The following ARHGAP32 variants were observed in gnomAD, a reference collection of about 807,000 sequenced individuals.
The protein encoded by ARHGAP32 is rho GTPase-activating protein 32.
A neutral mutation model predicts 186.5 loss-of-function variants in ARHGAP32; 51 were observed. The ratio of observed to expected loss-of-function variants is 0.27; its 90% CI spans 0.22 to 0.35. ARHGAP32 has a LOEUF of 0.35. Among genes scored for constraint, ARHGAP32 ranks in the 10% least tolerant of loss-of-function variants. The pLI is 1.00. For missense variants in ARHGAP32, 2,186 were observed against 2,623.5 expected (o/e 0.83, Z 3.64); for synonymous variants, 950 against 964.3 (o/e 0.99, Z 0.27).
chr11:129,000,942 T>C (rs2134750862), intron 11 of ARHGAP32, among the ~76,000 whole-genome samples: 1 of 152,326 alleles, frequency 6.6e-6, no homozygotes, highest in South Asian at 2.1e-4. Context: ...ATCCATGTTG[T>C]TGCAAATGAC....
At chr11:129,117,736 T>C (rs991526131) in intron 5 of ARHGAP32, among the ~76,000 whole-genome samples, 5 of 151,834 alleles carry the variant, frequency 3.3e-5, no homozygotes, top group African/African-American at 7.3e-5. Context: ...AACCAGATGA[T>C]AAAGAAAATA....
Position 129,086,017 on chromosome 11 carries a change from C to A in ARHGAP32, c.531+7604G>T, listed in dbSNP as rs368394611. ...TCAAAAAAACAAACAAACAAACAAA[C>A]AAAAAAAAAAAACAAAAAAAAGAAG... On this transcript the variant is annotated intron_variant, in intron 6 of 22. Coordinates refer to ENST00000682385, the MANE Select transcript of ARHGAP32 (RefSeq NM_001378024.1). 9.5e-3 allele frequency among the ~76,000 whole-genome samples: 1,219 copies of A among 127,734 alleles called. 12 individuals are homozygous for A. Among genetic ancestry groups the A allele is most frequent in the African/African-American group, 0.029 (1,017 of 34,736 alleles). The allele number at this position is 127,734 out of a possible 152,430, so 83.8% of individuals were successfully genotyped here. A position where few individuals can be genotyped will look rare whatever the true frequency, so the allele number is the denominator to read the frequency against.
intron 1 of ARHGAP32, among the ~76,000 whole-genome samples, chr11:129,177,156 C>T (rs536609110): frequency 6.6e-6 from 1 of 152,060 alleles, no homozygotes; most frequent in Non-Finnish European, 1.5e-5. Context: ...ATACTACAAA[C>T]ACCTCTACGC....
intron 2 of ARHGAP32, among the ~76,000 whole-genome samples, chr11:129,152,515 A>C (rs1943310160): frequency 6.6e-6 from 1 of 152,140 alleles, no homozygotes; most frequent in South Asian, 2.1e-4. Context: ...AATCCAAAAG[A>C]ATATCAAAAA....
At chr11:129,236,477 G>A (rs1944936553) in intron 1 of ARHGAP32, among the ~76,000 whole-genome samples, 1 of 152,110 alleles carries the variant, frequency 6.6e-6, no homozygotes, top group African/African-American at 2.4e-5. Context: ...TTAGTCCTTT[G>A]TCTGATGTAC....
chr11:129,254,245 G>A (rs981757542), intron 1 of ARHGAP32, among the ~76,000 whole-genome samples: 3 of 151,926 alleles, frequency 2.0e-5, no homozygotes, highest in Non-Finnish European at 4.4e-5. Context: ...TAGAAAAAAG[G>A]TTCCCCAAAG....
At chr11:129,178,485 G>A (rs1462716457) in intron 1 of ARHGAP32, among the ~76,000 whole-genome samples, 4 of 152,112 alleles carry the variant, frequency 2.6e-5, no homozygotes, top group African/African-American at 9.7e-5. Flanking sequence ...ACAACGCCAA[G>A]TCAATCCTAA....
chr11:129,276,180 T>C (rs933034812), intron 1 of ARHGAP32, among the ~76,000 whole-genome samples: 4 of 152,354 alleles, frequency 2.6e-5, no homozygotes, highest in East Asian at 1.9e-4. Context: ...CTCCAAGTAA[T>C]TGAAAATTCC....
At chr11:129,194,785 C>T (rs1790375300), upstream of ARHGAP32, among the ~76,000 whole-genome samples, 1 of 151,728 alleles carries the variant, frequency 6.6e-6, no homozygotes, top group African/African-American at 2.4e-5. Flanking sequence ...GATAGTTTTT[C>T]ACTATGTCAT....
intron 5 of ARHGAP32, among the ~76,000 whole-genome samples, chr11:129,108,285 G>A (rs966446286): frequency 7.9e-5 from 12 of 152,078 alleles, no homozygotes; most frequent in Admixed American, 7.9e-4. Flanking sequence ...ATACAAATAT[G>A]TTGAAAATGA....
intron 1 of ARHGAP32, among the ~76,000 whole-genome samples, chr11:129,247,868 CA>C (rs1945122029): frequency 6.6e-6 from 1 of 152,120 alleles, no homozygotes; most frequent in Non-Finnish European, 1.5e-5. Flanking sequence ...AAATGAAATT[CA>C]GTCAATGGAA....
chr11:129,162,928 T>C (rs1313640709), intron 2 of ARHGAP32, among the ~76,000 whole-genome samples: 1 of 152,166 alleles, frequency 6.6e-6, no homozygotes, highest in Non-Finnish European at 1.5e-5. Flanking sequence ...TGAATATTTT[T>C]TTCTGAGCTC....
intron 1 of ARHGAP32, among the ~76,000 whole-genome samples, chr11:129,265,328 A>C (rs1163527544): frequency 7.2e-5 from 11 of 152,192 alleles, no homozygotes; most frequent in Non-Finnish European, 1.5e-5. Context: ...GGCGCTACTG[A>C]CATTCTTGAC....
chr11:129,236,153 TC>T (rs947770556), intron 1 of ARHGAP32, among the ~76,000 whole-genome samples: 18 of 152,216 alleles, frequency 1.2e-4, no homozygotes, highest in African/African-American at 4.1e-4. Flanking sequence ...CACACTGTTT[TC>T]CATAGTGGTT....
At chr11:129,221,479 C>G (rs890082469) in intron 1 of ARHGAP32, among the ~76,000 whole-genome samples, 1 of 121,204 alleles carries the variant, frequency 8.3e-6, no homozygotes, top group Non-Finnish European at 1.7e-5. Context: ...ATTGTCATTA[C>G]TGTGTGTGTG....
chr11:129,223,047 T>A (rs1306354598), intron 1 of ARHGAP32, among the ~76,000 whole-genome samples: 1 of 152,212 alleles, frequency 6.6e-6, no homozygotes, highest in Non-Finnish European at 1.5e-5. Flanking sequence ...ATATATTTTG[T>A]CTAACTCAAT....
At chr11:129,088,200 G>A (rs867883083) in intron 6 of ARHGAP32, among the ~76,000 whole-genome samples, 3 of 152,292 alleles carry the variant, frequency 2.0e-5, no homozygotes, top group Middle Eastern at 3.4e-3. Context: ...AATTCACTGA[G>A]TAAAATTATA....
At chr11:128,993,529 AT>A (rs1463786502) in intron 12 of ARHGAP32, among the ~76,000 whole-genome samples, 3 of 151,530 alleles carry the variant, frequency 2.0e-5, no homozygotes, top group Non-Finnish European at 4.4e-5. Context: ...ATATATAATC[AT>A]TTTTTCTTCA....
chr11:129,014,764 A>G (rs1938247980), intron 11 of ARHGAP32, among the ~76,000 whole-genome samples: 1 of 152,152 alleles, frequency 6.6e-6, no homozygotes, highest in African/African-American at 2.4e-5. Flanking sequence ...TCTTTTATTC[A>G]AAGTTCCCAA....
Sources: gnomAD v4.1 joint callset for allele counts (sites outside exome capture counted in the v4.1 genomes callset) on GRCh38, gnomAD v4.1.1 for gene constraint, MANE v1.5 for transcripts, NCBI Gene and HGNC (gene_info 2026-07-23, HGNC 2026-07-21) for gene names.